FAAH2: variants seen among roughly 807,000 people sequenced by gnomAD.
FAAH2 encodes the protein fatty-acid amide hydrolase 2.
A neutral mutation model predicts 36.9 loss-of-function variants in FAAH2; 60 were observed. The observed-to-expected ratio is 1.63, with a 90% CI of 1.32 to 2.02. The LOEUF is 2.02. FAAH2 is among the 30% of genes most tolerant of loss of function. FAAH2 has a pLI of 0.00. For missense variants in FAAH2, 689 were observed against 397.5 expected (o/e 1.73, Z -6.23); for synonymous variants, 214 against 143.8 (o/e 1.49, Z -3.49).
intron 5 of FAAH2, among the ~76,000 whole-genome samples, chrX:57,341,621 T>G (rs2053689860): frequency 1.8e-5 from 2 of 110,730 alleles, no homozygotes; most frequent in Non-Finnish European, 3.8e-5. Context: ...AGTTGTTTTT[T>G]TTTTTTTCAG....
At chrX:57,306,497 G>A (rs1164407906) in intron 2 of FAAH2, among the ~76,000 whole-genome samples, 2 of 109,650 alleles carry the variant, frequency 1.8e-5, no homozygotes, top group African/African-American at 6.6e-5. Context: ...CTAGACCCTG[G>A]GAAGTTCAGG....
intron 10 of FAAH2, among the ~76,000 whole-genome samples, chrX:57,472,302 A>T (rs772108753): frequency 3.0e-4 from 34 of 112,121 alleles, no homozygotes; most frequent in African/African-American, 1.1e-3. Context: ...CAGAGTGAAC[A>T]GGCAACCTAC....
At chrX:57,157,395 T>G in the FAAH2 span, among the ~76,000 whole-genome samples, 1 of 111,974 alleles carries the variant, frequency 8.9e-6, no homozygotes. Flanking sequence ...GACCTGGGTT[T>G]CTCCTACTGG....
At chrX:57,282,078 T>C (rs2051760243), upstream of FAAH2, among the ~76,000 whole-genome samples, 1 of 112,367 alleles carries the variant, frequency 8.9e-6, no homozygotes, top group Admixed American at 9.5e-5. Flanking sequence ...CCTTTGTGTG[T>C]ATACCCAGTA....
chrX:57,430,210 G>A (rs1040950499), intron 7 of FAAH2, among the ~76,000 whole-genome samples: 1 of 111,538 alleles, frequency 9.0e-6, no homozygotes, highest in Non-Finnish European at 1.9e-5. Context: ...CACCTCTATT[G>A]TTCACCTGAC....
intron 10 of FAAH2, among the ~76,000 whole-genome samples, chrX:57,478,947 C>T (rs1039961239): frequency 9.0e-6 from 1 of 111,442 alleles, no homozygotes; most frequent in African/African-American, 3.3e-5. Flanking sequence ...GTTCTTTTGG[C>T]TTAGGATTGA....
intron 5 of FAAH2, among the ~76,000 whole-genome samples, chrX:57,373,334 A>T (rs1401754122): frequency 1.8e-5 from 2 of 110,737 alleles, no homozygotes; most frequent in Admixed American, 1.9e-4. Context: ...GTACTAGTTT[A>T]CACTCCCATC....
intron 10 of FAAH2, among the ~76,000 whole-genome samples, chrX:57,468,874 A>T (rs5915036): frequency 0.55 from 60,546 of 110,837 alleles, 14,448 homozygotes; most frequent in Non-Finnish European, 0.75. Context: ...CACAAAAGAA[A>T]GCCCATCAGA....
At chrX:57,331,279 A>C (rs1403537989) in intron 3 of FAAH2, among the ~76,000 whole-genome samples, 1 of 111,468 alleles carries the variant, frequency 9.0e-6, no homozygotes, top group Non-Finnish European at 1.9e-5. Flanking sequence ...CCATGTAGAA[A>C]GTGGGTTGCT....
the FAAH2 span, among the ~76,000 whole-genome samples, chrX:57,209,187 A>C: frequency 1.9e-4 from 21 of 111,403 alleles, no homozygotes; most frequent in Non-Finnish European, 1.7e-4. Flanking sequence ...CTGAACTGGC[A>C]CCTCAGGTAC....
At chrX:57,454,139 G>A (rs1218771861) in intron 10 of FAAH2, among the ~76,000 whole-genome samples, 1 of 111,728 alleles carries the variant, frequency 9.0e-6, no homozygotes, top group Non-Finnish European at 1.9e-5. Context: ...AGTAGGAAGA[G>A]CCTATCTGCC....
the FAAH2 span, among the ~76,000 whole-genome samples, chrX:57,223,838 C>T: frequency 2.7e-5 from 3 of 111,823 alleles, no homozygotes; most frequent in Non-Finnish European, 1.9e-5. Flanking sequence ...ACGGACCCTC[C>T]TTCATCAGCC....
chrX:57,412,848 A>G (rs998556427), intron 7 of FAAH2, among the ~76,000 whole-genome samples: 3 of 112,008 alleles, frequency 2.7e-5, no homozygotes, highest in African/African-American at 6.5e-5. Context: ...CAACACTGTA[A>G]AAGCGTTCCT....
chrX:57,124,332 C>G, the FAAH2 span, among the ~76,000 whole-genome samples: 2 of 111,330 alleles, frequency 1.8e-5, no homozygotes, highest in Admixed American at 9.5e-5. Context: ...GGTGTTATTT[C>G]TGAGGGCTCT....
intron 3 of FAAH2, among the ~76,000 whole-genome samples, chrX:57,318,421 A>C (rs1180979405): frequency 8.9e-6 from 1 of 112,008 alleles, no homozygotes; most frequent in Non-Finnish European, 1.9e-5. Flanking sequence ...GTGTAGAAAA[A>C]ATGGAAAAAT....
chrX:57,296,415 C>A (rs1022025388), intron 2 of FAAH2, among the ~76,000 whole-genome samples: 2 of 111,851 alleles, frequency 1.8e-5, no homozygotes, highest in African/African-American at 6.5e-5. Context: ...GGAAAACTAA[C>A]AAACAGAAAG....
chrX:57,182,334 C>G, the FAAH2 span, among the ~76,000 whole-genome samples: 5 of 111,655 alleles, frequency 4.5e-5, no homozygotes, highest in African/African-American at 1.6e-4. Context: ...ATGCATCTGG[C>G]AAAGGTCTAA....
At chrX:57,222,125 A>ATCCCTCCTCCAG in the FAAH2 span, among the ~76,000 whole-genome samples, 2 of 111,376 alleles carry the variant, frequency 1.8e-5, no homozygotes, top group African/African-American at 3.3e-5. Context: ...CCGACCACAT[A>ATCCCTCCTCCAG]TCCCTCCTCC....
At chrX:57,257,548 T>A in the FAAH2 span, among the ~76,000 whole-genome samples, 1 of 103,135 alleles carries the variant, frequency 9.7e-6, no homozygotes. Flanking sequence ...TGTCGGGGGG[T>A]GGGGGTCTAG....
Sources: allele counts gnomAD v4.1 joint callset (sites outside exome capture counted in the v4.1 genomes callset), GRCh38; gene constraint gnomAD v4.1.1; transcripts MANE v1.5; gene names NCBI Gene and HGNC (gene_info 2026-07-23, HGNC 2026-07-21).